The following PSG1 variants were observed in gnomAD, a reference collection of about 807,000 sequenced individuals.
The protein encoded by PSG1 is pregnancy-specific beta-1-glycoprotein 1.
In PSG1, 60 loss-of-function variants were observed where a neutral mutation model predicts 41.4. The ratio of observed to expected loss-of-function variants is 1.45; its 90% confidence interval spans 1.18 to 1.80. PSG1 has a LOEUF of 1.80. Ranked by LOEUF, PSG1 falls within the 40% of genes most tolerant of loss-of-function variation. PSG1 has a pLI of 0.00. For missense variants in PSG1, 806 were observed against 516.9 expected (o/e 1.56, Z -5.42); for synonymous variants, 256 against 192.9 (o/e 1.33, Z -2.71).
intron 2 of PSG1, among the ~76,000 whole-genome samples, chr19:42,877,607 T>C (rs1222057653): frequency 2.6e-5 from 4 of 151,704 alleles, no homozygotes; most frequent in Admixed American, 1.3e-4. Context: ...CCAGGGTCTT[T>C]CTCAGGGTCA....
chr19:42,877,898 T>C lies in PSG1; in HGVS notation c.430+15A>G. 3 of 1,611,988 alleles carry C rather than the reference T, an allele frequency of 1.9e-6. No homozygotes were observed. The highest frequency in any genetic ancestry group is 2.2e-5 in the South Asian group (2 of 90,760). ...CCTGTCCCCCAACACCCAGGGATCATGTGGAATCACTTACGGTGTAAGGTG... is the reference window on the plus strand; with the variant it reads ...CCTGTCCCCCAACACCCAGGGATCACGTGGAATCACTTACGGTGTAAGGTG... On this transcript the variant is annotated intron_variant, in intron 2 of 5. Coordinates refer to ENST00000436291, the MANE Select transcript of PSG1 (RefSeq NM_001184825.2).
chr19:42,876,330 C>T (rs565574442), intron 2 of PSG1, among the ~76,000 whole-genome samples: 1 of 151,234 alleles, frequency 6.6e-6, no homozygotes, highest in Non-Finnish European at 1.5e-5. Flanking sequence ...CCAAGGAGCC[C>T]TCGAGAACCC....
chr19:42,867,509 C>T (rs1388399636), intron 5 of PSG1: 4 of 595,814 alleles, frequency 6.7e-6, no homozygotes, highest in Non-Finnish European at 9.0e-6. Context: ...TTGGTTCATT[C>T]TATCTATGTT....
At chr19:42,869,461 A>T (rs1971289089) in intron 3 of PSG1, 1 of 232,992 alleles carries the variant, frequency 4.3e-6, no homozygotes, top group Non-Finnish European at 8.4e-6. Flanking sequence ...ATTTCAAAGG[A>T]CATTCTAGAG....
Position 42,869,420 on chromosome 19 carries a change from T to C in PSG1, c.710-386A>G, listed in dbSNP as rs1406998729. ...CCCTTCCAAATTCCATCCTACTTTG[T>C]CCCCCTAGATGTGATTTCTCTGCAG... On this transcript the variant is annotated intron_variant, in intron 3 of 5. Coordinates refer to ENST00000436291, the MANE Select transcript of PSG1 (RefSeq NM_001184825.2). 9 of 298,678 alleles carry C rather than the reference T, an allele frequency of 3.0e-5. 1 individual carries two copies. Among genetic ancestry groups the C allele is most frequent in the South Asian group, 1.1e-4 (2 of 17,478 alleles). The allele number at this position is 298,678 out of a possible 1,614,324, so 18.5% of individuals were successfully genotyped here.
In PSG1 at chr19:42,868,789, T is replaced by C. The variant is rs28374299; in HGVS notation, c.955A>G (p.Ile319Val). 228,407 of 1,611,014 alleles carry C rather than the reference T, an allele frequency of 0.14. 25,020 individuals carry two copies. Among genetic ancestry groups the C allele is most frequent in the East Asian group, 0.41 (18,555 of 44,746 alleles). The change falls in exon 4 of 6, where the codon ATC (isoleucine) becomes GTC (valine). Residue 319 changes from isoleucine to valine, a missense_variant. Physicochemically the swap from Ile to Val is conservative, Grantham distance 29. Coordinates refer to ENST00000436291, the MANE Select transcript of PSG1 (RefSeq NM_001184825.2). ...TTCAGGGTGACTGGGTCACTGCGGA[T>C]GCCACCATATCGGTCCCGTATTTCA... ...QCEIRDRYGGIRSDPVTLNVL... is the reference protein window; with the variant it reads ...QCEIRDRYGGVRSDPVTLNVL...
intron 1 of PSG1, among the ~76,000 whole-genome samples, chr19:42,879,147 T>C (rs1971754934): frequency 8.0e-6 from 1 of 125,672 alleles, no homozygotes; most frequent in African/African-American, 3.7e-5. Flanking sequence ...CTTTCCTTTT[T>C]TTCTTTTTTC....
intron 3 of PSG1, chr19:42,870,112 G>A (rs1329868081): frequency 6.6e-6 from 1 of 151,804 alleles, no homozygotes; most frequent in East Asian, 1.9e-4. Flanking sequence ...GTTCATGGGT[G>A]TGCAGTTTCA....
chr19:42,875,410 G>A (rs1439614161), intron 2 of PSG1, among the ~76,000 whole-genome samples: 2 of 151,548 alleles, frequency 1.3e-5, no homozygotes, highest in East Asian at 3.9e-4. Flanking sequence ...ATTGGGACAG[G>A]GTTTACAAAA....
chr19:42,879,442 C>T (rs1971771630), intron 1 of PSG1, 76 bp downstream of exon 1: 11 of 1,579,064 alleles, frequency 7.0e-6, no homozygotes, highest in Middle Eastern at 1.8e-4. Flanking sequence ...TTTTTAGAAC[C>T]CCATCCTCTC....
In PSG1 at chr19:42,872,035, A is replaced by C. The variant is rs1071708; in HGVS notation, c.441T>G (p.Pro147=). The C allele has an allele frequency of 1.2e-6, 2 of 1,611,916 alleles. No homozygotes were observed. Among genetic ancestry groups the C allele is most frequent in the East Asian group, 2.2e-5 (1 of 44,762 alleles). The part of the protein sequence containing the change: ...RFTFTLHLET[P]KPSISSSNLN... ...AGTTGCTGCTGGAGATGGAGGGCTT[A>C]GGAGTCTCCACTGTGCAGAAAACAG... Residue 147 remains proline (P), a synonymous_variant, in exon 3 of 6, where the codon CCT becomes CCG. Transcript: ENST00000436291.
Position 42,874,495 on chromosome 19 carries a change from C to G in PSG1, c.431-2450G>C, listed in dbSNP as rs553906222. 1.4e-4 allele frequency among the ~76,000 whole-genome samples: 21 copies of G among 151,582 alleles called. 1 individual carries two copies. In the East Asian group the frequency reaches 1.8e-3, roughly 13 times the overall value. On this transcript the variant is annotated intron_variant, in intron 2 of 5. Coordinates refer to ENST00000436291, the MANE Select transcript of PSG1 (RefSeq NM_001184825.2). Reference sequence around the variant, plus strand: ...CCAAGTAGCTGGGACTACAGGGGCCCGCCACCATGCCTGGCTAATTTTTTG... The same window carrying G: ...CCAAGTAGCTGGGACTACAGGGGCCGGCCACCATGCCTGGCTAATTTTTTG...
At chr19:42,875,141 C>A (rs1379624371) in intron 2 of PSG1, among the ~76,000 whole-genome samples, 2 of 151,858 alleles carry the variant, frequency 1.3e-5, no homozygotes, top group African/African-American at 4.8e-5. Context: ...TGGCTGACTC[C>A]ATCTGGCATC....
intron 1 of PSG1, 136 bp downstream of exon 1, chr19:42,879,382 G>A (rs1971769062): frequency 7.3e-7 from 1 of 1,363,344 alleles, no homozygotes; most frequent in African/African-American, 1.5e-5. Flanking sequence ...TTGAACTTCT[G>A]ATCTCATGAT....
At position 42,868,180 on chromosome 19, in the gene PSG1, A is replaced by G; in HGVS notation, c.1164T>C (p.His388=). The part of the protein sequence containing the change: ...KLFIRHITTK[H]SGLYVCSVRN... Reference sequence around the variant, plus strand: ...GAACAGAGCAAACATAGAGCCCGCTATGCTTTGTAGTAATATGGCGGATAA... The same window carrying G: ...GAACAGAGCAAACATAGAGCCCGCTGTGCTTTGTAGTAATATGGCGGATAA... The change falls in exon 5 of 6, where the codon CAT becomes CAC. Residue 388 remains histidine (H), a synonymous_variant. Coordinates refer to ENST00000436291, the MANE Select transcript of PSG1 (RefSeq NM_001184825.2). 1 of 1,612,378 alleles carries G rather than the reference A, an allele frequency of 6.2e-7. No individual in the cohort carries two copies. Among genetic ancestry groups the G allele is most frequent in the Non-Finnish European group, 8.5e-7 (1 of 1,179,108 alleles).
intron 1 of PSG1, 94 bp downstream of exon 1, chr19:42,879,424 T>C (rs1010672507): frequency 3.2e-6 from 5 of 1,545,608 alleles, no homozygotes; most frequent in African/African-American, 1.4e-5. Context: ...AGTGCTGGCT[T>C]CTTTCATTTT....
intron 5 of PSG1, chr19:42,867,852 A>T (rs1971198292): frequency 7.6e-7 from 1 of 1,315,078 alleles, no homozygotes; most frequent in Non-Finnish European, 1.0e-6. Context: ...CTTCATTATT[A>T]TCAATTATTT....
chr19:42,873,811 C>T lies in PSG1; in HGVS notation c.431-1766G>A, dbSNP rs189440066. On this transcript the variant is annotated intron_variant, in intron 2 of 5. Coordinates refer to ENST00000436291, the MANE Select transcript of PSG1 (RefSeq NM_001184825.2). ...TAGTAAATATAGAAAGAACTCCCTGCTTCTAAATTCTGTGCAGAGTTAGGA... is the reference window on the plus strand; with the variant it reads ...TAGTAAATATAGAAAGAACTCCCTGTTTCTAAATTCTGTGCAGAGTTAGGA... Among the ~76,000 whole-genome samples the T allele has an allele frequency of 1.1e-4, 16 of 151,692 alleles. No homozygotes were observed. The East Asian group carries it at 3.1e-3, about 29-fold the overall frequency.
intron 4 of PSG1, 71 bp downstream of exon 4, chr19:42,868,685 G>C (rs1048051533): frequency 1.2e-5 from 19 of 1,597,264 alleles, no homozygotes; most frequent in Non-Finnish European, 1.5e-5. Context: ...GAGAGAGACT[G>C]AGAGGCCTGG....
Sources: allele counts gnomAD v4.1 joint callset (sites outside exome capture counted in the v4.1 genomes callset), GRCh38; gene constraint gnomAD v4.1.1; transcripts MANE v1.5; gene names NCBI Gene and HGNC (gene_info 2026-07-23, HGNC 2026-07-21).